The following ERBB4 variants were observed in gnomAD, a reference collection of about 807,000 sequenced individuals.
The protein encoded by ERBB4 is receptor tyrosine-protein kinase erbB-4.
A neutral mutation model predicts 158.0 loss-of-function variants in ERBB4; 42 were observed. The observed-to-expected ratio is 0.27, with a 90% confidence interval of 0.21 to 0.34. The LOEUF (loss-of-function observed/expected upper bound fraction) is 0.34, where lower values mean the gene tolerates loss of function less well. ERBB4 is among the 10% of genes least tolerant of loss of function. The pLI is 1.00. For missense variants in ERBB4, 1,333 were observed against 1,624.1 expected (o/e 0.82, Z 3.08); for synonymous variants, 583 against 558.7 (o/e 1.04, Z -0.61).
At chr2:211,762,191 T>A (rs1387235055) in intron 4 of ERBB4, among the ~76,000 whole-genome samples, 1 of 152,110 alleles carries the variant, frequency 6.6e-6, no homozygotes, top group African/African-American at 2.4e-5. Context: ...GGCAGATACA[T>A]AAATGGAGAC....
intron 17 of ERBB4, among the ~76,000 whole-genome samples, chr2:211,629,344 G>A (rs1022303121): frequency 2.4e-4 from 36 of 151,760 alleles, no homozygotes; most frequent in African/African-American, 8.0e-4. Context: ...TACAAGGGAC[G>A]TGAAGGACCT....
At chr2:212,531,315 C>A (rs146326585) in intron 1 of ERBB4, among the ~76,000 whole-genome samples, 59 of 152,188 alleles carry the variant, frequency 3.9e-4, no homozygotes, top group African/African-American at 1.3e-3. Context: ...AAGTTTAGGT[C>A]AAAAATATTG....
At chr2:212,346,803 A>T (rs896920367) in intron 1 of ERBB4, among the ~76,000 whole-genome samples, 6 of 152,128 alleles carry the variant, frequency 3.9e-5, no homozygotes, top group African/African-American at 1.4e-4. Flanking sequence ...GGGCCAAGGT[A>T]CTTAGGAAAG....
At chr2:211,815,668 T>C (rs1037738676) in intron 3 of ERBB4, among the ~76,000 whole-genome samples, 1 of 152,228 alleles carries the variant, frequency 6.6e-6, no homozygotes, top group Non-Finnish European at 1.5e-5. Context: ...GATTGAGGGA[T>C]GCCTAGATGG....
chr2:212,174,899 A>C (rs1167315195), intron 1 of ERBB4, among the ~76,000 whole-genome samples: 1 of 152,074 alleles, frequency 6.6e-6, no homozygotes, highest in Non-Finnish European at 1.5e-5. Flanking sequence ...ATTCGATCTA[A>C]GTCTACTATT....
chr2:211,396,658 C>A (rs1045495919), intron 25 of ERBB4, among the ~76,000 whole-genome samples: 1 of 152,112 alleles, frequency 6.6e-6, no homozygotes, highest in African/African-American at 2.4e-5. Context: ...ATGTTATAAA[C>A]CTTATTTTGG....
At chr2:211,764,985 C>T (rs2075516406) in intron 4 of ERBB4, among the ~76,000 whole-genome samples, 2 of 152,124 alleles carry the variant, frequency 1.3e-5, no homozygotes, top group Admixed American at 1.3e-4. Flanking sequence ...TTACCAAAAT[C>T]TTTGATGTGT....
intron 2 of ERBB4, among the ~76,000 whole-genome samples, chr2:212,078,492 T>C (rs895071822): frequency 6.6e-6 from 1 of 151,962 alleles, no homozygotes; most frequent in Non-Finnish European, 1.5e-5. Context: ...ACAGTGGTAA[T>C]AAAATATAAA....
At chr2:212,405,238 A>T (rs1053515626) in intron 1 of ERBB4, among the ~76,000 whole-genome samples, 2 of 152,082 alleles carry the variant, frequency 1.3e-5, no homozygotes, top group Non-Finnish European at 2.9e-5. Flanking sequence ...TATGAAAAAA[A>T]ATTTGATATC....
At chr2:212,226,927 T>C (rs554612525) in intron 1 of ERBB4, among the ~76,000 whole-genome samples, 1 of 152,066 alleles carries the variant, frequency 6.6e-6, no homozygotes, top group Non-Finnish European at 1.5e-5. Flanking sequence ...AGTTCCCACA[T>C]GGAAATGGAG....
intron 1 of ERBB4, among the ~76,000 whole-genome samples, chr2:212,125,888 A>ATG (rs1032529157): frequency 6.6e-6 from 1 of 152,196 alleles, no homozygotes; most frequent in African/African-American, 2.4e-5. Context: ...ATAAACGTGC[A>ATG]TGTGTCATTG....
rs2125872283 is a variant in ERBB4 at position 211,630,444 on chromosome 2, G to C, written c.2079+18C>G. 1.2e-6 allele frequency: 2 copies of C among 1,612,890 alleles called. No homozygotes were observed. Among genetic ancestry groups the C allele is most frequent in the Non-Finnish European group, 1.7e-6 (2 of 1,179,152 alleles). On this transcript the variant is annotated intron_variant, in intron 17 of 27. Coordinates refer to ENST00000342788, the MANE Select transcript of ERBB4 (RefSeq NM_005235.3). ...TGAAAATCCCCAAACACATGAAGAG[G>C]AGAAAGAAATACCTCACCTCTGTTT...
intron 19 of ERBB4, among the ~76,000 whole-genome samples, chr2:211,568,302 G>A (rs2067613300): frequency 6.6e-6 from 1 of 151,976 alleles, no homozygotes; most frequent in Non-Finnish European, 1.5e-5. Flanking sequence ...GACTACTGAG[G>A]TATAGATTAA....
chr2:211,859,995 T>G (rs1428187716), intron 3 of ERBB4, among the ~76,000 whole-genome samples: 1 of 152,216 alleles, frequency 6.6e-6, no homozygotes, highest in Non-Finnish European at 1.5e-5. Flanking sequence ...TCATTAAATT[T>G]ATCTTACAAG....
intron 1 of ERBB4, among the ~76,000 whole-genome samples, chr2:212,170,862 T>G (rs2081494755): frequency 6.6e-6 from 1 of 152,122 alleles, no homozygotes; most frequent in Admixed American, 6.6e-5. Flanking sequence ...AGAGACCTCA[T>G]GGAGAACCTC....
At chr2:211,709,274 T>TACATATATATATATAC (rs2073594035) in intron 9 of ERBB4, among the ~76,000 whole-genome samples, 8 of 136,502 alleles carry the variant, frequency 5.9e-5, no homozygotes, top group African/African-American at 2.3e-4. Flanking sequence ...TATATATATA[T>TACATATATATATATAC]ACATACATAT....
intron 1 of ERBB4, among the ~76,000 whole-genome samples, chr2:212,252,230 T>C (rs967462521): frequency 6.6e-6 from 1 of 152,006 alleles, no homozygotes; most frequent in East Asian, 1.9e-4. Flanking sequence ...GATATGACTG[T>C]AGATAGAAAA....
At chr2:211,728,838 T>G (rs1398793948) in intron 5 of ERBB4, among the ~76,000 whole-genome samples, 2 of 151,844 alleles carry the variant, frequency 1.3e-5, no homozygotes, top group East Asian at 3.9e-4. Flanking sequence ...ATGTTTCAGT[T>G]TCTCTGTATT....
chr2:212,323,576 G>A (rs898882967), intron 1 of ERBB4, among the ~76,000 whole-genome samples: 4 of 150,278 alleles, frequency 2.7e-5, no homozygotes, highest in African/African-American at 9.7e-5. Context: ...ACCTCTCAAA[G>A]TTTAATAATA....
Sources: gnomAD v4.1 joint callset for allele counts (sites outside exome capture counted in the v4.1 genomes callset) on GRCh38, gnomAD v4.1.1 for gene constraint, MANE v1.5 for transcripts, NCBI Gene and HGNC (gene_info 2026-07-23, HGNC 2026-07-21) for gene names.